RNF20: variants seen among roughly 807,000 people sequenced by gnomAD.
RNF20 encodes ring finger protein 20.
RNF20 carries 84 observed loss-of-function variants against 126.2 expected under a neutral mutation model. That is an observed-to-expected ratio of 0.67 (90% confidence interval 0.56 to 0.80). The LOEUF (loss-of-function observed/expected upper bound fraction) is 0.80, where lower values mean the gene tolerates loss of function less well. Ranked by LOEUF, RNF20 falls within the 30% of genes least tolerant of loss-of-function variation. The pLI is 0.00. For missense variants in RNF20, 869 were observed against 1,188.2 expected, an observed-to-expected ratio of 0.73 and a Z score of 3.95; for synonymous variants, 400 against 414.3, an observed-to-expected ratio of 0.97 and a Z score of 0.42.
Position 101,561,196 on chromosome 9 carries a change from A to G in RNF20, c.2615A>G (p.Lys872Arg), listed in dbSNP as rs533913524. The change falls in exon 18 of 20, where the codon AAA becomes AGA. Residue 872 changes from lysine to arginine, a missense_variant. Transcript: ENST00000389120. ...GAGATCGTGGAGAACAGTGTTACCA[A>G]AGAAAAGGACATGTTCAATTTCAAA... ...QDEIVENSVT[K>R]EKDMFNFKRA... 3 of 1,613,882 alleles carry G rather than the reference A, an allele frequency of 1.9e-6. No homozygotes were observed. The highest frequency in any genetic ancestry group is 2.2e-5 in the South Asian group (2 of 91,064).
chr9:101,536,720 A>G lies in RNF20; in HGVS notation c.129+1168A>G, dbSNP rs1033058361. On this transcript the variant is annotated intron_variant, in intron 2 of 19. Transcript: ENST00000389120. ...GGGAATAGACTGTTTAGAGTGGGGTATGTGCTGTTGACAGGGATAAGCACA... is the reference window on the plus strand; with the variant it reads ...GGGAATAGACTGTTTAGAGTGGGGTGTGTGCTGTTGACAGGGATAAGCACA... Among the ~76,000 whole-genome samples the G allele has an allele frequency of 5.3e-5, 8 of 152,312 alleles. No homozygotes were observed. In the South Asian group the frequency reaches 1.4e-3, roughly 28 times the overall value.
chr9:101,546,945 C>T lies in RNF20; in HGVS notation c.873C>T (p.His291=), dbSNP rs1827357434. 6.2e-7 allele frequency: 1 copy of T among 1,614,122 alleles called. No homozygotes were observed. Among genetic ancestry groups the T allele is most frequent in the Non-Finnish European group, 8.5e-7 (1 of 1,180,002 alleles). The change falls in exon 7 of 20, where the codon CAC becomes CAT. Residue 291 remains histidine (H), a synonymous_variant. Transcript: ENST00000389120. ...AGAGGGAACAGCGACTCAACCGACA[C>T]TTAGCAGAAGTCCTAGAACGGGTCA... is the stretch of plus-strand genomic sequence containing the variant. ...IRKREQRLNR[H]LAEVLERVNS... is the part of the protein sequence containing the mutation.
chr9:101,543,325 G>T (rs1263524836), intron 5 of RNF20, among the ~76,000 whole-genome samples: 1 of 147,866 alleles, frequency 6.8e-6, no homozygotes, highest in Non-Finnish European at 1.5e-5. Context: ...CCCTTCCAGG[G>T]CGGCACTGTC....
At chr9:101,543,050 T>C (rs989310237) in intron 5 of RNF20, among the ~76,000 whole-genome samples, 5 of 152,258 alleles carry the variant, frequency 3.3e-5, no homozygotes, top group African/African-American at 1.2e-4. Context: ...CCCCATTCCC[T>C]GTGGAATTTC....
intron 15 of RNF20, among the ~76,000 whole-genome samples, chr9:101,556,286 T>TGGGGTCTCTTCCATATATTAAAACATAAA (rs1478469000): frequency 2.0e-5 from 3 of 152,142 alleles, no homozygotes; most frequent in African/African-American, 7.2e-5. Flanking sequence ...AGAACAGCAC[T>TGGGGTCTCTTCCATATATTAAAACATAAA]GGGGTCTCTT....
chr9:101,547,096 C>A (rs749808605), intron 7 of RNF20, 41 bp from the exon 8 acceptor site: 13 of 1,606,844 alleles, frequency 8.1e-6, no homozygotes, highest in Non-Finnish European at 1.1e-5. Context: ...AGACTGAAAT[C>A]TTAAGAGTCT....
intron 16 of RNF20, among the ~76,000 whole-genome samples, chr9:101,558,140 G>C (rs1338322522): frequency 6.6e-6 from 1 of 151,530 alleles, no homozygotes; most frequent in African/African-American, 2.4e-5. Context: ...TGTACCCAGT[G>C]TGTAGTCTAT....
At chr9:101,546,712 C>A in intron 6 of RNF20, 108 bp from the exon 7 acceptor site, 1 of 1,058,662 alleles carries the variant, frequency 9.4e-7, no homozygotes, top group Non-Finnish European at 1.4e-6. Flanking sequence ...GAGGGTGAAG[C>A]ATCTTCTATT....
rs1216445795 is a variant in RNF20, at chr9:101,549,835, C to T, written c.1093-771C>T. On this transcript the variant is annotated intron_variant, in intron 9 of 19. Coordinates refer to ENST00000389120, the MANE Select transcript of RNF20 (RefSeq NM_019592.7). Reference sequence around the variant, plus strand: ...TTTTTCCTAGGTTATGATTATAGAGCGAGGATTATTATAATATTGGAATAA... The same window carrying T: ...TTTTTCCTAGGTTATGATTATAGAGTGAGGATTATTATAATATTGGAATAA... Among the ~76,000 whole-genome samples, 4 of 151,922 alleles carry T rather than the reference C, an allele frequency of 2.6e-5. No homozygotes were observed. The East Asian group carries it at 5.8e-4, about 22-fold the overall frequency.
chr9:101,549,920 A>G (rs140562329), intron 9 of RNF20, among the ~76,000 whole-genome samples: 2,399 of 152,326 alleles, frequency 0.016, 54 homozygotes, highest in African/African-American at 0.055. Flanking sequence ...TCTAAGATCT[A>G]TATCTGGCAT....
chr9:101,543,585 C>T (rs889025854), intron 5 of RNF20, among the ~76,000 whole-genome samples: 4 of 151,272 alleles, frequency 2.6e-5, no homozygotes. Flanking sequence ...CCTGCCAGAG[C>T]GGCACTGTCT....
chr9:101,544,751 A>G lies in RNF20; in HGVS notation c.629-16A>G, dbSNP rs1268659742. 2.7e-6 allele frequency: 4 copies of G among 1,500,938 alleles called. No individual in the cohort carries two copies. In the African/African-American group the frequency reaches 5.5e-5, roughly 21 times the overall value. 93.0% of individuals were successfully genotyped at this position (1,500,938 alleles called of 1,614,324 possible). On this transcript the variant is annotated splice_polypyrimidine_tract_variant and intron_variant, in intron 5 of 19. Transcript: ENST00000389120. ...CACTCTAGATGCTAAATTAAAGTAT[A>G]GTTCTTCTTCCCCAGATAATCTGAT...
At chr9:101,554,134 C>A (rs1827491763) in intron 14 of RNF20, 29 bp downstream of exon 14, 1 of 1,249,752 alleles carries the variant, frequency 8.0e-7, no homozygotes, top group Non-Finnish European at 1.2e-6. Context: ...ACCTGTCCTT[C>A]TGGTTAAAAT....
At position 101,557,453 on chromosome 9, in the gene RNF20, AT is replaced by A; in HGVS notation, c.2240del (p.Ile747ThrfsTer3). The A allele has an allele frequency of 6.2e-7, 1 of 1,614,026 alleles. No individual in the cohort carries two copies. The highest frequency in any genetic ancestry group is 1.6e-4 in the Middle Eastern group (1 of 6,062). The stretch of plus-strand genomic sequence containing the variant: ...CTTTGAAGACATGCAGGAGCAAAAT[AT>A]CCGTTTGATGCAGCAATTGCGGGAG... ...QAFEDMQEQN[I>X]RLMQQLREKD... On this transcript the variant is annotated frameshift_variant, in exon 16 of 20. Transcript: ENST00000389120. LOFTEE classifies it high-confidence loss of function.
At chr9:101,543,211 G>C (rs1014360292) in intron 5 of RNF20, among the ~76,000 whole-genome samples, 9 of 152,232 alleles carry the variant, frequency 5.9e-5, no homozygotes. Flanking sequence ...GCAAGTATAG[G>C]CCTTATAGAG....
intron 1 of RNF20, among the ~76,000 whole-genome samples, chr9:101,534,797 A>G (rs942989652): frequency 1.3e-5 from 2 of 152,150 alleles, no homozygotes; most frequent in Non-Finnish European, 2.9e-5. Context: ...GAGAGATTCC[A>G]GAACTTTATT....
chr9:101,541,690 G>A (rs1827262528), intron 5 of RNF20, among the ~76,000 whole-genome samples: 1 of 151,998 alleles, frequency 6.6e-6, no homozygotes. Context: ...ACAGAATTTT[G>A]ACTTGAAAAA....
intron 14 of RNF20, among the ~76,000 whole-genome samples, chr9:101,554,424 AG>A (rs1564111527): frequency 6.6e-6 from 1 of 152,096 alleles, no homozygotes; most frequent in Non-Finnish European, 1.5e-5. Context: ...TAAAATTTTG[AG>A]GCCTAAAAAA....
At position 101,552,695 on chromosome 9, in the gene RNF20, C is replaced by A; in HGVS notation, c.1843C>A (p.His615Asn). 1 of 1,575,412 alleles carries A rather than the reference C, an allele frequency of 6.3e-7. No individual in the cohort carries two copies. Among genetic ancestry groups the A allele is most frequent in the Non-Finnish European group, 8.7e-7 (1 of 1,145,430 alleles). The change falls in exon 13 of 20, where the codon CAT (histidine) becomes AAT (asparagine). Residue 615 changes from histidine (H) to asparagine (N), a missense_variant. By Grantham distance (68) the His-to-Asn change is moderately conservative. Around this residue, in one of 8 missense-constraint regions of RNF20, gnomAD observed 231 missense variants for 263.6 expected, o/e 0.88. Transcript: ENST00000389120. ...DSAKDKEKGKHDDGRKKEAEI... is the reference protein window; with the variant it reads ...DSAKDKEKGKNDDGRKKEAEI... ...TGCTAAGGATAAAGAGAAAGGCAAA[C>A]ATGATGATGGACGGAAAAAGGAAGC...
Sources: gnomAD v4.1 joint callset for allele counts (sites outside exome capture counted in the v4.1 genomes callset) on GRCh38, gnomAD v4.1.1 for gene constraint, gnomAD v4.1.1 regional missense constraint, MANE v1.5 for transcripts, NCBI Gene and HGNC (gene_info 2026-07-23, HGNC 2026-07-21) for gene names.